CADM2: variants seen among roughly 807,000 people sequenced by gnomAD.
The protein encoded by CADM2 is cell adhesion molecule 2.
Under a neutral mutation model 49.8 loss-of-function variants are expected in CADM2, and 12 were observed. The observed-to-expected ratio is 0.24, with a 90% CI of 0.15 to 0.39. The LOEUF (loss-of-function observed/expected upper bound fraction) is 0.39. Among genes scored for constraint, CADM2 ranks in the 10% least tolerant of loss-of-function variants. The probability of loss-of-function intolerance (pLI) is 1.00; values close to 1 mark genes in which losing one functional copy is unlikely to be tolerated. For missense variants in CADM2, 378 were observed against 492.3 expected, an observed-to-expected ratio of 0.77 and a Z score of 2.20; for synonymous variants, 214 against 175.4, an observed-to-expected ratio of 1.22 and a Z score of -1.74.
At chr3:86,064,420 G>A (rs940581289) in intron 8 of CADM2, among the ~76,000 whole-genome samples, 1 of 152,098 alleles carries the variant, frequency 6.6e-6, no homozygotes, top group Non-Finnish European at 1.5e-5. Flanking sequence ...ATTCCATGGT[G>A]TATATGTGCC....
At chr3:85,724,597 G>A (rs982279507) in intron 1 of CADM2, among the ~76,000 whole-genome samples, 2 of 151,858 alleles carry the variant, frequency 1.3e-5, no homozygotes, top group East Asian at 1.9e-4. Context: ...TTAGCACTCC[G>A]TGTTTTAACC....
intron 1 of CADM2, among the ~76,000 whole-genome samples, chr3:85,433,477 A>T (rs1409340919): frequency 6.6e-6 from 1 of 151,956 alleles, no homozygotes; most frequent in Non-Finnish European, 1.5e-5. Context: ...TCATTAGAGG[A>T]TTCTTGAAAT....
At chr3:85,413,508 A>C (rs74494970) in intron 1 of CADM2, among the ~76,000 whole-genome samples, 2,078 of 152,258 alleles carry the variant, frequency 0.014, 118 homozygotes, top group South Asian at 0.11. Flanking sequence ...ATGGTTCTGC[A>C]GGCTGCAGAA....
chr3:85,807,483 G>A (rs1346769766), intron 3 of CADM2, among the ~76,000 whole-genome samples: 1 of 126,400 alleles, frequency 7.9e-6, no homozygotes, highest in African/African-American at 3.3e-5. Flanking sequence ...TAGGCATCGA[G>A]AGTGAAACTC....
intron 3 of CADM2, among the ~76,000 whole-genome samples, chr3:85,803,570 A>G (rs2072205624): frequency 6.6e-6 from 1 of 152,058 alleles, no homozygotes; most frequent in Non-Finnish European, 1.5e-5. Flanking sequence ...AATTGGCTCA[A>G]GTAATTTTGG....
At chr3:85,241,291 G>A (rs1559738620) in intron 1 of CADM2, among the ~76,000 whole-genome samples, 1 of 151,460 alleles carries the variant, frequency 6.6e-6, no homozygotes, top group Non-Finnish European at 1.5e-5. Context: ...GATTATGATA[G>A]GACATTCATT....
chr3:85,206,592 C>T (rs1466461372), intron 1 of CADM2, among the ~76,000 whole-genome samples: 4 of 152,010 alleles, frequency 2.6e-5, no homozygotes, highest in Non-Finnish European at 5.9e-5. Flanking sequence ...CAGGCGTGAG[C>T]CACCGCGCCC....
chr3:85,329,896 T>A (rs977162292), intron 1 of CADM2, among the ~76,000 whole-genome samples: 6 of 152,026 alleles, frequency 3.9e-5, no homozygotes, highest in African/African-American at 1.4e-4. Flanking sequence ...AAGAAGCATT[T>A]GAGAATAAGA....
chr3:85,651,997 T>TTTTTTTTTTTTTA (rs372706216), intron 1 of CADM2, among the ~76,000 whole-genome samples: 1 of 149,092 alleles, frequency 6.7e-6, no homozygotes, highest in Non-Finnish European at 1.5e-5. Flanking sequence ...TTTTTTTTTT[T>TTTTTTTTTTTTTA]AATTAGAGAC....
At chr3:85,423,506 C>G (rs950588773) in intron 1 of CADM2, among the ~76,000 whole-genome samples, 3 of 152,108 alleles carry the variant, frequency 2.0e-5, no homozygotes, top group Non-Finnish European at 2.9e-5. Context: ...ATATAATAAT[C>G]ATGATTGGCC....
At chr3:85,006,948 T>C (rs1421330292) in intron 1 of CADM2, among the ~76,000 whole-genome samples, 1 of 152,122 alleles carries the variant, frequency 6.6e-6, no homozygotes, top group Non-Finnish European at 1.5e-5. Flanking sequence ...TCCCTTAGGG[T>C]ATTTTCCATC....
chr3:85,345,576 C>T (rs973221878), intron 1 of CADM2, among the ~76,000 whole-genome samples: 2 of 151,994 alleles, frequency 1.3e-5, no homozygotes, highest in African/African-American at 2.4e-5. Context: ...TATTGTGGAA[C>T]TTTCCACAAA....
At chr3:85,245,913 A>G (rs916048879) in intron 1 of CADM2, among the ~76,000 whole-genome samples, 1 of 152,172 alleles carries the variant, frequency 6.6e-6, no homozygotes, top group Non-Finnish European at 1.5e-5. Context: ...TTAATCAAAT[A>G]CCAAAATTCA....
chr3:86,050,229 A>C (rs1266199729), intron 8 of CADM2, among the ~76,000 whole-genome samples: 1 of 152,238 alleles, frequency 6.6e-6, no homozygotes, highest in Non-Finnish European at 1.5e-5. Flanking sequence ...GCAGTCATTA[A>C]ATCTTAAAGC....
chr3:85,640,729 C>T (rs537750305), intron 1 of CADM2, among the ~76,000 whole-genome samples: 11 of 152,116 alleles, frequency 7.2e-5, no homozygotes, highest in African/African-American at 1.4e-4. Context: ...TCAGGTTAAA[C>T]GTCATTCTGT....
rs184533078 is a variant in CADM2, at chr3:85,743,073, C to T, written c.88+16525C>T. On this transcript the variant is annotated intron_variant, in intron 2 of 9. Coordinates refer to ENST00000383699, the MANE Select transcript of CADM2 (RefSeq NM_001167675.2). ...TTATGTAAATAACAATAATAAAAGC[C>T]CCTGAAGCTGCATCCCTGTTCCCAG... Among the ~76,000 whole-genome samples the T allele has an allele frequency of 3.5e-3, 527 of 152,146 alleles. 4 individuals carry two copies. Among genetic ancestry groups the T allele is most frequent in the Middle Eastern group, 0.014 (4 of 294 alleles).
chr3:85,336,940 AAT>A lies in CADM2; in HGVS notation c.61+377283_61+377284del, dbSNP rs1379403300. Among the ~76,000 whole-genome samples the A allele has an allele frequency of 5.5e-3, 281 of 51,126 alleles. 1 individual carries two copies. The highest frequency in any genetic ancestry group is 9.4e-3 in the African/African-American group (246 of 26,050). The allele number at this position is 51,126 out of a possible 152,430, so 33.5% of individuals were successfully genotyped here. On this transcript the variant is annotated intron_variant, in intron 1 of 9. Coordinates refer to ENST00000383699, the MANE Select transcript of CADM2 (RefSeq NM_001167675.2). ...ATAGTTAAATAGTTAAAATGAACTA[AAT>A]ATATATATATTTAATATATATATTA...
intron 1 of CADM2, among the ~76,000 whole-genome samples, chr3:85,265,006 A>C (rs1296967318): frequency 6.6e-6 from 1 of 151,972 alleles, no homozygotes; most frequent in African/African-American, 2.4e-5. Flanking sequence ...GAGTTTATTC[A>C]TCAGCACGAA....
At chr3:85,114,106 C>T (rs527542019) in intron 1 of CADM2, among the ~76,000 whole-genome samples, 12 of 152,116 alleles carry the variant, frequency 7.9e-5, no homozygotes, top group Admixed American at 4.6e-4. Flanking sequence ...TCAGCAAAGA[C>T]ATTGGAACTG....
Sources: allele counts gnomAD v4.1 joint callset (sites outside exome capture counted in the v4.1 genomes callset), GRCh38; gene constraint gnomAD v4.1.1; transcripts MANE v1.5; gene names NCBI Gene and HGNC (gene_info 2026-07-23, HGNC 2026-07-21).